Variants in ATP13A4 observed in about 807,000 individuals in gnomAD.
ATP13A4 encodes ATPase 13A4, also known as probable cation-transporting ATPase 13A4.
Under a neutral mutation model 142.5 loss-of-function variants are expected in ATP13A4, and 114 were observed. The observed-to-expected ratio is 0.80, with a 90% CI of 0.69 to 0.93. The LOEUF is 0.93. ATP13A4 is among the 40% of genes least tolerant of loss of function. The pLI, the probability that ATP13A4 is intolerant of heterozygous loss-of-function variation, is 0.00. For synonymous variants in ATP13A4, 488 were observed against 514.8 expected, an observed-to-expected ratio of 0.95 and a Z score of 0.70; for missense variants, 1,392 against 1,454.0, an observed-to-expected ratio of 0.96 and a Z score of 0.69.
At chr3:193,445,384 C>T (rs924082629) in intron 18 of ATP13A4, among the ~76,000 whole-genome samples, 5 of 151,796 alleles carry the variant, frequency 3.3e-5, no homozygotes, top group South Asian at 2.1e-4. Context: ...TGCAGCGAGC[C>T]GAGATCGCAC....
chr3:193,527,038 T>C (rs996076991), intron 1 of ATP13A4, among the ~76,000 whole-genome samples: 2 of 152,234 alleles, frequency 1.3e-5, no homozygotes, highest in African/African-American at 4.8e-5. Flanking sequence ...CTTGGACCCA[T>C]AGCAATAACT....
At chr3:193,428,685 G>A (rs1390824925) in intron 25 of ATP13A4, among the ~76,000 whole-genome samples, 2 of 151,064 alleles carry the variant, frequency 1.3e-5, no homozygotes, top group South Asian at 2.1e-4. Flanking sequence ...GCAAACTATT[G>A]CAGGGACAAA....
chr3:193,461,310 C>A (rs774971467), intron 13 of ATP13A4, among the ~76,000 whole-genome samples: 2 of 152,138 alleles, frequency 1.3e-5, no homozygotes, highest in Non-Finnish European at 2.9e-5. Context: ...ACTATTTGTG[C>A]CTAGTACAGA....
At chr3:193,418,845 G>C (rs535927991) in intron 25 of ATP13A4, 1 of 150,530 alleles carries the variant, frequency 6.6e-6, no homozygotes, top group Admixed American at 6.8e-5. Context: ...AGGGCAAGTG[G>C]CATGACCCCC....
intron 3 of ATP13A4, among the ~76,000 whole-genome samples, chr3:193,499,186 C>T (rs1383432862): frequency 6.6e-6 from 1 of 152,176 alleles, no homozygotes; most frequent in African/African-American, 2.4e-5. Flanking sequence ...TTGATTGAAA[C>T]ATAATGCATT....
intron 2 of ATP13A4, among the ~76,000 whole-genome samples, chr3:193,569,833 C>A (rs1379651154): frequency 7.0e-6 from 1 of 143,860 alleles, no homozygotes; most frequent in Non-Finnish European, 1.5e-5. Flanking sequence ...CTTCACCCAG[C>A]CAGTACTGGT....
chr3:193,562,101 T>C (rs1301171888), intron 2 of ATP13A4, among the ~76,000 whole-genome samples: 1 of 152,116 alleles, frequency 6.6e-6, no homozygotes, highest in Admixed American at 6.5e-5. Flanking sequence ...ATAGCAGTAG[T>C]TCCTCACCAG....
intron 20 of ATP13A4, 121 bp downstream of exon 20, chr3:193,441,345 A>T (rs949307689): frequency 9.6e-6 from 12 of 1,249,500 alleles, no homozygotes; most frequent in Admixed American, 1.7e-5. Context: ...CTCTCTTAAG[A>T]TACAGAAAAC....
At chr3:193,507,058 T>C (rs1163217064) in intron 2 of ATP13A4, among the ~76,000 whole-genome samples, 2 of 152,214 alleles carry the variant, frequency 1.3e-5, no homozygotes, top group African/African-American at 4.8e-5. Flanking sequence ...GCCAATGCTG[T>C]GACCTCTCTT....
chr3:193,422,699 C>T (rs1001475314), intron 25 of ATP13A4, among the ~76,000 whole-genome samples: 2 of 149,146 alleles, frequency 1.3e-5, no homozygotes, highest in African/African-American at 4.9e-5. Context: ...TTGAAACAAA[C>T]ACAGCAAAAC....
chr3:193,567,322 T>C (rs71316205), intron 2 of ATP13A4, among the ~76,000 whole-genome samples: 16,661 of 152,254 alleles, frequency 0.11, 1,179 homozygotes, highest in Non-Finnish European at 0.15. Flanking sequence ...GGGAGAATTC[T>C]TTACTTTATT....
intron 1 of ATP13A4, among the ~76,000 whole-genome samples, chr3:193,529,606 C>T (rs1389877432): frequency 8.1e-6 from 1 of 123,758 alleles, no homozygotes; most frequent in African/African-American, 2.9e-5. Flanking sequence ...AACGACACCT[C>T]TCACCAATTT....
At chr3:193,533,929 G>C (rs745819770) in intron 1 of ATP13A4, among the ~76,000 whole-genome samples, 8 of 152,168 alleles carry the variant, frequency 5.3e-5, no homozygotes, top group Non-Finnish European at 1.0e-4. Context: ...CATTAACAAG[G>C]CTCCTCTCCA....
chr3:193,473,700 C>T (rs1718750942), intron 8 of ATP13A4, among the ~76,000 whole-genome samples: 2 of 152,122 alleles, frequency 1.3e-5, no homozygotes, highest in Admixed American at 6.6e-5. Flanking sequence ...AGTGAAAACA[C>T]AGCATCATGT....
At chr3:193,451,709 C>T in intron 17 of ATP13A4, among the ~76,000 whole-genome samples, 1 of 152,096 alleles carries the variant, frequency 6.6e-6, no homozygotes, top group East Asian at 1.9e-4. Flanking sequence ...ATCCATGTGA[C>T]TTTTAAAGGA....
chr3:193,582,351 G>T (rs994024046), intron 1 of ATP13A4, among the ~76,000 whole-genome samples: 24 of 149,122 alleles, frequency 1.6e-4, no homozygotes, highest in Non-Finnish European at 3.1e-4. Flanking sequence ...GTTTTACCAC[G>T]TTGGCGAAGA....
rs556394805 is a variant in ATP13A4 at position 193,402,003 on chromosome 3, T to G, written c.*649A>C. On this transcript the variant is annotated 3_prime_UTR_variant, in exon 30 of 30. Transcript: ENST00000342695. ...TGATGGAGCCATCAGGTTGAAGCAG[T>G]CACTGCTGTAAGAATGGCAGTTCCA... 1 of 153,044 alleles carries G rather than the reference T, an allele frequency of 6.5e-6. No homozygotes were observed. Among genetic ancestry groups the G allele is most frequent in the East Asian group, 1.9e-4 (1 of 5,182 alleles). The allele number at this position is 153,044 out of a possible 1,614,324, so 9.5% of individuals were successfully genotyped here.
upstream of ATP13A4, among the ~76,000 whole-genome samples, chr3:193,556,925 T>C (rs1429241964): frequency 6.6e-6 from 1 of 152,186 alleles, no homozygotes; most frequent in Non-Finnish European, 1.5e-5. Flanking sequence ...GGAGTGTTAG[T>C]ATGTGACGTG....
At chr3:193,496,363 G>C (rs907471470) in intron 3 of ATP13A4, among the ~76,000 whole-genome samples, 3 of 152,154 alleles carry the variant, frequency 2.0e-5, no homozygotes, top group African/African-American at 7.2e-5. Flanking sequence ...GGTGCTGGCA[G>C]AGAAATAGAC....
Sources: allele counts gnomAD v4.1 joint callset (sites outside exome capture counted in the v4.1 genomes callset), GRCh38; gene constraint gnomAD v4.1.1; transcripts MANE v1.5; gene names NCBI Gene and HGNC (gene_info 2026-07-23, HGNC 2026-07-21).